DDAH1: variants seen among roughly 807,000 people sequenced by gnomAD.
DDAH1 encodes N(G),N(G)-dimethylarginine dimethylaminohydrolase 1.
A neutral mutation model predicts 28.8 loss-of-function variants in DDAH1; 19 were observed. The observed-to-expected ratio is 0.66, with a 90% confidence interval of 0.46 to 0.97. The LOEUF (loss-of-function observed/expected upper bound fraction) is 0.97, where lower values mean the gene tolerates loss of function less well. Ranked by LOEUF, DDAH1 falls within the 50% of genes least tolerant of loss-of-function variation. DDAH1 has a pLI of 0.00. For synonymous variants in DDAH1, 153 were observed against 154.4 expected, an observed-to-expected ratio of 0.99 and a Z score of 0.07; for missense variants, 326 against 375.9, an observed-to-expected ratio of 0.87 and a Z score of 1.10.
intron 1 of DDAH1, among the ~76,000 whole-genome samples, chr1:85,575,033 A>G (rs1217796033): frequency 6.6e-6 from 1 of 152,086 alleles, no homozygotes; most frequent in East Asian, 1.9e-4. Context: ...TGAGCCCAGG[A>G]GTTTAAAACC....
chr1:85,428,399 C>T (rs768097943), intron 1 of DDAH1, among the ~76,000 whole-genome samples: 4 of 152,012 alleles, frequency 2.6e-5, no homozygotes, highest in Admixed American at 6.6e-5. Flanking sequence ...GGGGAACTGC[C>T]TTTTATAAAA....
chr1:85,361,100 G>A (rs575895781), intron 1 of DDAH1, among the ~76,000 whole-genome samples: 154 of 152,304 alleles, frequency 1.0e-3, no homozygotes, highest in Middle Eastern at 6.8e-3. Flanking sequence ...CTAAACTGAG[G>A]GAGATTTCTG....
chr1:85,503,554 T>TATCTATCTATCTATCC (rs1391507172), intron 1 of DDAH1, among the ~76,000 whole-genome samples: 1 of 149,872 alleles, frequency 6.7e-6, no homozygotes, highest in African/African-American at 2.4e-5. Flanking sequence ...TCTATCTATC[T>TATCTATCTATCTATCC]ATCTATCTAT....
intron 4 of DDAH1, among the ~76,000 whole-genome samples, chr1:85,348,714 T>C (rs1448205985): frequency 6.6e-6 from 1 of 152,224 alleles, no homozygotes; most frequent in African/African-American, 2.4e-5. Flanking sequence ...CCTTTTCCTC[T>C]GAACTTTGAA....
chr1:85,577,260 AG>A (rs1659640122), intron 1 of DDAH1, among the ~76,000 whole-genome samples: 1 of 152,130 alleles, frequency 6.6e-6, no homozygotes, highest in Non-Finnish European at 1.5e-5. Flanking sequence ...TCGGCCACCC[AG>A]TTCCTGCCGC....
intron 1 of DDAH1, chr1:85,380,442 A>G (rs528251890): frequency 6.6e-6 from 1 of 152,284 alleles, no homozygotes; most frequent in East Asian, 1.9e-4. Flanking sequence ...AAGCATCCCA[A>G]CATAGTCTCA....
chr1:85,547,635 A>C (rs932103820), intron 1 of DDAH1, among the ~76,000 whole-genome samples: 4 of 152,208 alleles, frequency 2.6e-5, no homozygotes, highest in African/African-American at 9.6e-5. Context: ...GAAGTGACAA[A>C]AGTGGTTTAA....
chr1:85,327,091 AT>A (rs1647451527), intron 4 of DDAH1, among the ~76,000 whole-genome samples: 1 of 152,204 alleles, frequency 6.6e-6, no homozygotes. Context: ...AGCAGCTTCC[AT>A]TTATTATTGT....
At chr1:85,492,196 T>A (rs1557688209) in intron 2 of DDAH1, among the ~76,000 whole-genome samples, 1 of 152,170 alleles carries the variant, frequency 6.6e-6, no homozygotes, top group Non-Finnish European at 1.5e-5. Context: ...TCCTATGATG[T>A]CCTACTTATT....
At chr1:85,340,106 GA>G (rs1286401417) in intron 4 of DDAH1, among the ~76,000 whole-genome samples, 1 of 152,150 alleles carries the variant, frequency 6.6e-6, no homozygotes, top group Non-Finnish European at 1.5e-5. Flanking sequence ...AAAATAAATG[GA>G]AAAGGGTAAA....
At chr1:85,562,097 A>G (rs762181797) in intron 1 of DDAH1, among the ~76,000 whole-genome samples, 10 of 152,172 alleles carry the variant, frequency 6.6e-5, no homozygotes, top group Non-Finnish European at 1.0e-4. Flanking sequence ...AATTACTACA[A>G]TTTTAAGTTT....
intron 2 of DDAH1, among the ~76,000 whole-genome samples, chr1:85,355,912 A>G (rs1649466534): frequency 6.6e-6 from 1 of 152,244 alleles, no homozygotes; most frequent in South Asian, 2.1e-4. Flanking sequence ...GGTATCTTGT[A>G]GCTTTATAAA....
intron 1 of DDAH1, among the ~76,000 whole-genome samples, chr1:85,449,969 G>C (rs1284953512): frequency 2.0e-5 from 3 of 152,144 alleles, no homozygotes; most frequent in African/African-American, 4.8e-5. Context: ...AATAAAATCA[G>C]AGGTATACAA....
intron 1 of DDAH1, among the ~76,000 whole-genome samples, chr1:85,385,633 A>G (rs1202529861): frequency 1.3e-5 from 2 of 152,174 alleles, no homozygotes; most frequent in Admixed American, 6.5e-5. Context: ...AGCTGAGCTC[A>G]TGGATATTGG....
At chr1:85,418,876 A>T (rs1653003517) in intron 1 of DDAH1, among the ~76,000 whole-genome samples, 1 of 152,198 alleles carries the variant, frequency 6.6e-6, no homozygotes, top group Admixed American at 6.5e-5. Flanking sequence ...ATTATAGGTC[A>T]GGACAGGAGA....
intron 1 of DDAH1, among the ~76,000 whole-genome samples, chr1:85,417,538 T>C (rs1652938425): frequency 6.6e-6 from 1 of 152,236 alleles, no homozygotes; most frequent in South Asian, 2.1e-4. Flanking sequence ...TCATATTTTC[T>C]GAGAATTTAA....
At position 85,324,836 on chromosome 1, in the gene DDAH1, A is replaced by G; in HGVS notation, c.645T>C (p.Pro215=). 1 of 1,614,156 alleles carries G rather than the reference A, an allele frequency of 6.2e-7. No individual in the cohort carries two copies. Among genetic ancestry groups the G allele is most frequent in the Non-Finnish European group, 8.5e-7 (1 of 1,180,022 alleles). The change falls in exon 5 of 6, where the codon CCT becomes CCC. Residue 215 remains proline, a synonymous_variant. Transcript: ENST00000284031. The part of the protein sequence containing the change: ...SDHRYDKLTV[P]DDIAANCIYL... ...ATATACAGTTTGCTGCTATGTCATC[A>G]GGCACAGTGAGTTTGTCGTAGCGGT...
intron 1 of DDAH1, among the ~76,000 whole-genome samples, chr1:85,397,771 T>C (rs1230544057): frequency 6.6e-6 from 1 of 152,208 alleles, no homozygotes; most frequent in Non-Finnish European, 1.5e-5. Context: ...CCCAGTGTGA[T>C]ACAGTTTGGA....
At chr1:85,576,990 C>G (rs1158496219) in intron 1 of DDAH1, 1 of 154,704 alleles carries the variant, frequency 6.5e-6, no homozygotes, top group Non-Finnish European at 1.4e-5. Context: ...CCACCGCCCC[C>G]CGAAGCTAGA....
Sources: allele counts gnomAD v4.1 joint callset (sites outside exome capture counted in the v4.1 genomes callset), GRCh38; gene constraint gnomAD v4.1.1; transcripts MANE v1.5; gene names NCBI Gene and HGNC (gene_info 2026-07-23, HGNC 2026-07-21).